AK9: variants seen among roughly 807,000 people sequenced by gnomAD.
AK9 encodes adenylate kinase 9.
AK9 carries 191 observed loss-of-function variants against 239.6 expected under a neutral mutation model. The observed-to-expected ratio is 0.80, with a 90% CI of 0.71 to 0.90. The LOEUF (loss-of-function observed/expected upper bound fraction) is 0.90. AK9 is among the 40% of genes least tolerant of loss of function. The probability of loss-of-function intolerance (pLI) is 0.00; values close to 1 mark genes in which losing one functional copy is unlikely to be tolerated. For missense variants in AK9, 1,995 were observed against 2,214.7 expected (o/e 0.90, Z 1.99); for synonymous variants, 689 against 721.0 (o/e 0.96, Z 0.71).
chr6:109,504,598 C>T (rs905517654), intron 35 of AK9, among the ~76,000 whole-genome samples: 7 of 151,968 alleles, frequency 4.6e-5, no homozygotes, highest in East Asian at 1.9e-4. Context: ...CACCCGAGGT[C>T]GGGAGTTTGA....
Position 109,546,096 on chromosome 6 carries a change from G to A in AK9, c.2996C>T (p.Pro999Leu), listed in dbSNP as rs772963198. 8 of 1,609,196 alleles carry A rather than the reference G, an allele frequency of 5.0e-6. 1 individual carries two copies. The highest frequency in any genetic ancestry group is 5.9e-6 in the Non-Finnish European group (7 of 1,177,676). Reference sequence around the variant, plus strand: ...ACACATAGTTTTGCCAGAGCCCTGGGGGCCGACAAGGCATATTCTTAATGG... The same window carrying A: ...ACACATAGTTTTGCCAGAGCCCTGGAGGCCGACAAGGCATATTCTTAATGG... ...APPLRICLVG[P>L]QGSGKTMCGR... The change falls in exon 26 of 41, where the codon CCC becomes CTC. Residue 999 changes from proline to leucine, a missense_variant. Coordinates refer to ENST00000424296, the MANE Select transcript of AK9 (RefSeq NM_001145128.3).
At chr6:109,582,661 A>G (rs1788999505) in intron 19 of AK9, among the ~76,000 whole-genome samples, 1 of 152,224 alleles carries the variant, frequency 6.6e-6, no homozygotes, top group Non-Finnish European at 1.5e-5. Context: ...TGTTGAAATT[A>G]CAACAAAAAA....
chr6:109,559,074 A>T (rs1287590258), intron 24 of AK9, among the ~76,000 whole-genome samples: 1 of 150,618 alleles, frequency 6.6e-6, no homozygotes, highest in Non-Finnish European at 1.5e-5. Flanking sequence ...GCTGCCTCGA[A>T]CTCCTGACCT....
chr6:109,610,299 A>G, intron 17 of AK9, 66 bp downstream of exon 17: 2 of 1,481,720 alleles, frequency 1.3e-6, no homozygotes. Flanking sequence ...TTACACACAT[A>G]TTAGATTAAC....
At chr6:109,506,291 T>G in intron 35 of AK9, 36 bp downstream of exon 35, 1 of 1,585,038 alleles carries the variant, frequency 6.3e-7, no homozygotes, top group Non-Finnish European at 8.6e-7. Flanking sequence ...CACTTGAAAT[T>G]AATATTTTAT....
rs980839252 is a variant in AK9, at chr6:109,605,600, T to G, written c.1842+4765A>C. On this transcript the variant is annotated intron_variant, in intron 17 of 40. Coordinates refer to ENST00000424296, the MANE Select transcript of AK9 (RefSeq NM_001145128.3). ...GATAAAGAGCAAATACTGAGCAATT[T>G]TGGAGTAAGAAAGAGAGAAATGAAA... 3.3e-5 allele frequency among the ~76,000 whole-genome samples: 5 copies of G among 152,072 alleles called. No homozygotes were observed. The East Asian group carries it at 9.6e-4, about 29-fold the overall frequency.
intron 35 of AK9, 113 bp from the exon 36 acceptor site, chr6:109,499,353 T>C (rs977303580): frequency 2.5e-6 from 2 of 815,268 alleles, no homozygotes; most frequent in Non-Finnish European, 3.3e-6. Flanking sequence ...CATTATAAAA[T>C]TCCAAACAAT....
chr6:109,648,158 C>G (rs1798347137), intron 8 of AK9, among the ~76,000 whole-genome samples: 1 of 151,654 alleles, frequency 6.6e-6, no homozygotes, highest in Non-Finnish European at 1.5e-5. Context: ...AAATTGACAC[C>G]CTAACATCAC....
chr6:109,666,321 G>C (rs1801192684), intron 5 of AK9, among the ~76,000 whole-genome samples: 2 of 152,190 alleles, frequency 1.3e-5, no homozygotes, highest in African/African-American at 4.8e-5. Flanking sequence ...AAACAGACCA[G>C]AACTACTGAG....
chr6:109,615,383 T>G (rs528954853), intron 13 of AK9, among the ~76,000 whole-genome samples: 1 of 152,260 alleles, frequency 6.6e-6, no homozygotes, highest in African/African-American at 2.4e-5. Context: ...AAGTAGGTAT[T>G]CAAGTATTTG....
intron 21 of AK9, among the ~76,000 whole-genome samples, chr6:109,566,046 A>G (rs1319790210): frequency 6.6e-6 from 1 of 152,180 alleles, no homozygotes; most frequent in Non-Finnish European, 1.5e-5. Flanking sequence ...ACAATGCCTT[A>G]GCTTCTCTGG....
At chr6:109,544,818 G>T (rs1236420400) in intron 26 of AK9, among the ~76,000 whole-genome samples, 1 of 152,224 alleles carries the variant, frequency 6.6e-6, no homozygotes, top group East Asian at 1.9e-4. Context: ...CTCCACTAAG[G>T]CTGGGGCAGA....
chr6:109,552,947 T>C lies in AK9; in HGVS notation c.2752-2645A>G, dbSNP rs540783719. ...CGGCTAGCCAGTTTTCCCAGCACCATTTACTGAATAGGAGATCCTTTCCTC... is the reference window on the plus strand; with the variant it reads ...CGGCTAGCCAGTTTTCCCAGCACCACTTACTGAATAGGAGATCCTTTCCTC... On this transcript the variant is annotated intron_variant, in intron 24 of 40. Coordinates refer to ENST00000424296, the MANE Select transcript of AK9 (RefSeq NM_001145128.3). Among the ~76,000 whole-genome samples, 10 of 152,370 alleles carry C rather than the reference T, an allele frequency of 6.6e-5. 1 individual carries two copies. The South Asian group carries it at 2.1e-3, about 32-fold the overall frequency.
chr6:109,519,547 C>T (rs1779618543), intron 29 of AK9, among the ~76,000 whole-genome samples: 2 of 152,070 alleles, frequency 1.3e-5, no homozygotes, highest in South Asian at 4.1e-4. Flanking sequence ...GTGATTCCAG[C>T]ACTTTGGGAG....
intron 8 of AK9, among the ~76,000 whole-genome samples, chr6:109,651,900 A>G (rs947982255): frequency 2.0e-5 from 3 of 152,188 alleles, no homozygotes; most frequent in Non-Finnish European, 4.4e-5. Context: ...TCTGAAATTG[A>G]GGCAATAATT....
intron 7 of AK9, among the ~76,000 whole-genome samples, chr6:109,657,877 A>G (rs1044867053): frequency 1.3e-4 from 20 of 152,154 alleles, no homozygotes; most frequent in African/African-American, 4.8e-4. Context: ...GGCCTGGCAC[A>G]GGATAAGTGT....
At chr6:109,515,696 A>G (rs1779206735) in intron 31 of AK9, among the ~76,000 whole-genome samples, 161 bp downstream of exon 31, 1 of 152,220 alleles carries the variant, frequency 6.6e-6, no homozygotes, top group South Asian at 2.1e-4. Context: ...TGAAAGTTTA[A>G]TGATTCCATT....
intron 8 of AK9, among the ~76,000 whole-genome samples, chr6:109,646,415 T>C (rs1220509282): frequency 1.2e-4 from 19 of 152,080 alleles, no homozygotes; most frequent in Non-Finnish European, 2.9e-5. Context: ...ATGATGGAGC[T>C]GAAAACCATG....
chr6:109,502,607 G>A lies in AK9; in HGVS notation c.4850-3367C>T, dbSNP rs147173638. Among the ~76,000 whole-genome samples the A allele has an allele frequency of 1.7e-4, 26 of 152,272 alleles. No homozygotes were observed. The East Asian group carries it at 4.2e-3, about 25-fold the overall frequency. On this transcript the variant is annotated intron_variant, in intron 35 of 40. Transcript: ENST00000424296. ...TTGTTGTTTAAGCCATCCAGTTTGCGGCAGTTTGTTTCAGCAGCCCTAAGT... is the reference window on the plus strand; with the variant it reads ...TTGTTGTTTAAGCCATCCAGTTTGCAGCAGTTTGTTTCAGCAGCCCTAAGT...
Sources: gnomAD v4.1 joint callset for allele counts (sites outside exome capture counted in the v4.1 genomes callset) on GRCh38, gnomAD v4.1.1 for gene constraint, MANE v1.5 for transcripts, NCBI Gene and HGNC (gene_info 2026-07-23, HGNC 2026-07-21) for gene names.